MACROD2: variants seen among roughly 807,000 people sequenced by gnomAD.
MACROD2 encodes the protein ADP-ribose glycohydrolase MACROD2.
A neutral mutation model predicts 70.4 loss-of-function variants in MACROD2; 36 were observed. That is an observed-to-expected ratio of 0.51 (90% CI 0.39 to 0.68). The LOEUF (loss-of-function observed/expected upper bound fraction) is 0.68, where lower values mean the gene tolerates loss of function less well. Among genes scored for constraint, MACROD2 ranks in the 30% least tolerant of loss-of-function variants. The pLI is 0.00. For synonymous variants in MACROD2, 172 were observed against 178.8 expected, an observed-to-expected ratio of 0.96 and a Z score of 0.30; for missense variants, 496 against 538.4, an observed-to-expected ratio of 0.92 and a Z score of 0.78.
chr20:14,820,728 C>G (rs117827461), intron 5 of MACROD2, among the ~76,000 whole-genome samples: 2,674 of 152,002 alleles, frequency 0.018, 52 homozygotes, highest in Admixed American at 0.026. Context: ...TTTTTTCCCC[C>G]CTTTTTAAGG....
chr20:14,809,703 G>A lies in MACROD2; in HGVS notation c.418+124744G>A, dbSNP rs187359863. Among the ~76,000 whole-genome samples the A allele has an allele frequency of 6.1e-3, 930 of 151,892 alleles. 12 individuals are homozygous for A. Among genetic ancestry groups the A allele is most frequent in the African/African-American group, 0.021 (881 of 41,442 alleles). ...GACTGCTAGCCAGACTAAAAAAGAAGAAAAGAGAGAAGAATCAAATAGACA... is the reference window on the plus strand; with the variant it reads ...GACTGCTAGCCAGACTAAAAAAGAAAAAAAGAGAGAAGAATCAAATAGACA... On this transcript the variant is annotated intron_variant, in intron 5 of 17. Coordinates refer to ENST00000684519, the MANE Select transcript of MACROD2 (RefSeq NM_001351661.2).
At chr20:15,762,267 A>G (rs1406526686) in intron 8 of MACROD2, among the ~76,000 whole-genome samples, 1 of 152,188 alleles carries the variant, frequency 6.6e-6, no homozygotes, top group African/African-American at 2.4e-5. Context: ...TACTGTTTTC[A>G]TCTTACTCAC....
At chr20:14,567,566 C>T (rs986918253) in intron 4 of MACROD2, among the ~76,000 whole-genome samples, 1 of 151,936 alleles carries the variant, frequency 6.6e-6, no homozygotes, top group Non-Finnish European at 1.5e-5. Flanking sequence ...ATGGTGATGA[C>T]CATTTTGATT....
intron 3 of MACROD2, among the ~76,000 whole-genome samples, chr20:14,333,083 G>A (rs2082873583): frequency 6.6e-6 from 1 of 151,910 alleles, no homozygotes; most frequent in African/African-American, 2.4e-5. Flanking sequence ...TGCCAGGCAA[G>A]CAGAAGGACC....
rs376439581 is a variant in MACROD2, at chr20:15,215,252, TTGTGTGTGTGTGTGTGTG to T, written c.419-14660_419-14643del. Among the ~76,000 whole-genome samples the T allele has an allele frequency of 8.1e-5, 11 of 135,548 alleles. No individual in the cohort carries two copies. In the South Asian group the frequency reaches 2.0e-3, roughly 24 times the overall value. The allele number at this position is 135,548 out of a possible 152,430, so 88.9% of individuals were successfully genotyped here. A position where few individuals can be genotyped will look rare whatever the true frequency, so the allele number is the denominator to read the frequency against. Reference sequence around the variant, plus strand: ...TTTTTTCTCCTTTTTCTCCTGTATTTTGTGTGTGTGTGTGTGTGTGTGTGTGTGTGTGTGTGTGTGTGT... The same window carrying T: ...TTTTTTCTCCTTTTTCTCCTGTATTTTGTGTGTGTGTGTGTGTGTGTGTGT... On this transcript the variant is annotated intron_variant, in intron 5 of 17. Transcript: ENST00000684519.
intron 5 of MACROD2, among the ~76,000 whole-genome samples, chr20:15,081,045 T>C (rs1327944774): frequency 3.3e-5 from 5 of 152,116 alleles, no homozygotes; most frequent in Non-Finnish European, 7.4e-5. Flanking sequence ...CCAGGAGCTT[T>C]TTGTCTTATT....
At chr20:14,375,161 T>C (rs2083360240) in intron 3 of MACROD2, among the ~76,000 whole-genome samples, 1 of 152,062 alleles carries the variant, frequency 6.6e-6, no homozygotes. Context: ...TCAAATGTTA[T>C]TTTTTACAAA....
At chr20:14,340,171 T>G (rs922208557) in intron 3 of MACROD2, among the ~76,000 whole-genome samples, 1 of 152,034 alleles carries the variant, frequency 6.6e-6, no homozygotes, top group African/African-American at 2.4e-5. Context: ...TTGGCTGTAA[T>G]AGGAAGGGAG....
intron 5 of MACROD2, among the ~76,000 whole-genome samples, chr20:14,965,966 C>T (rs1487492069): frequency 6.6e-6 from 1 of 152,082 alleles, no homozygotes; most frequent in Non-Finnish European, 1.5e-5. Context: ...GACTACTTTT[C>T]AGTGGGGTAT....
chr20:15,227,050 G>A (rs1447630600), intron 5 of MACROD2, among the ~76,000 whole-genome samples: 2 of 152,082 alleles, frequency 1.3e-5, no homozygotes, highest in African/African-American at 4.8e-5. Context: ...CCAGCTTTGT[G>A]GATCTGAGAG....
intron 3 of MACROD2, among the ~76,000 whole-genome samples, chr20:14,236,354 A>G (rs2081870774): frequency 1.3e-5 from 2 of 152,144 alleles, no homozygotes; most frequent in African/African-American, 4.8e-5. Flanking sequence ...TATGAGCTTT[A>G]GAATCAAAAC....
At chr20:14,083,004 T>C (rs1261303845) in intron 2 of MACROD2, among the ~76,000 whole-genome samples, 1 of 151,052 alleles carries the variant, frequency 6.6e-6, no homozygotes, top group Non-Finnish European at 1.5e-5. Context: ...CTTTCACTGA[T>C]AAGCAATAGT....
At chr20:15,024,943 C>T (rs953312442) in intron 5 of MACROD2, among the ~76,000 whole-genome samples, 1 of 152,082 alleles carries the variant, frequency 6.6e-6, no homozygotes, top group Non-Finnish European at 1.5e-5. Flanking sequence ...TTTCCCCCCA[C>T]GAGGATGGGA....
intron 3 of MACROD2, among the ~76,000 whole-genome samples, chr20:14,102,614 C>T (rs949981523): frequency 6.6e-6 from 1 of 152,154 alleles, no homozygotes; most frequent in African/African-American, 2.4e-5. Context: ...GCACACCATT[C>T]ACTTCTTTTG....
intron 4 of MACROD2, among the ~76,000 whole-genome samples, chr20:14,590,753 A>C (rs990443374): frequency 1.3e-5 from 2 of 152,164 alleles, no homozygotes; most frequent in African/African-American, 2.4e-5. Flanking sequence ...GCTCTTAACT[A>C]TAATATTTTG....
chr20:14,030,575 A>G (rs2053233910), intron 2 of MACROD2, among the ~76,000 whole-genome samples: 1 of 151,598 alleles, frequency 6.6e-6, no homozygotes, highest in African/African-American at 2.4e-5. Context: ...ATGACCAGCT[A>G]ATTTTTGTAT....
chr20:14,751,225 C>G (rs2071865261), intron 5 of MACROD2, among the ~76,000 whole-genome samples: 1 of 152,082 alleles, frequency 6.6e-6, no homozygotes, highest in South Asian at 2.1e-4. Flanking sequence ...CCTGTGCCAT[C>G]CTTAATGTGA....
rs1031674246 is a variant in MACROD2, at chr20:14,736,836, A to G, written c.418+51877A>G. Among the ~76,000 whole-genome samples the G allele has an allele frequency of 1.1e-3, 162 of 152,280 alleles. 2 individuals are homozygous for G. The highest frequency in any genetic ancestry group is 3.5e-3 in the African/African-American group (146 of 41,572). ...CGAAGCCAAAGCTCTTACCCAGTACATTGTATTGTCTCTGCAGCAAAAAAT... is the reference window on the plus strand; with the variant it reads ...CGAAGCCAAAGCTCTTACCCAGTACGTTGTATTGTCTCTGCAGCAAAAAAT... On this transcript the variant is annotated intron_variant, in intron 5 of 17. Coordinates refer to ENST00000684519, the MANE Select transcript of MACROD2 (RefSeq NM_001351661.2).
At chr20:14,255,553 G>A (rs947712362) in intron 3 of MACROD2, among the ~76,000 whole-genome samples, 1 of 151,254 alleles carries the variant, frequency 6.6e-6, no homozygotes, top group African/African-American at 2.4e-5. Context: ...GGGCAGGGGG[G>A]AGGGATAGCA....
Sources: gnomAD v4.1 joint callset for allele counts (sites outside exome capture counted in the v4.1 genomes callset) on GRCh38, gnomAD v4.1.1 for gene constraint, MANE v1.5 for transcripts, NCBI Gene and HGNC (gene_info 2026-07-23, HGNC 2026-07-21) for gene names.